The following ITGAM variants were observed in gnomAD, a reference collection of about 807,000 sequenced individuals.
ITGAM encodes integrin subunit alpha M, also known as integrin alpha-M.
ITGAM carries 79 observed loss-of-function variants against 137.5 expected under a neutral mutation model. That is an observed-to-expected ratio of 0.57 (90% confidence interval 0.48 to 0.69). ITGAM has a LOEUF of 0.69. Among genes scored for constraint, ITGAM ranks in the 30% least tolerant of loss-of-function variants. The pLI is 0.00. For synonymous variants in ITGAM, 583 were observed against 592.3 expected, an observed-to-expected ratio of 0.98 and a Z score of 0.23; for missense variants, 1,343 against 1,483.5, an observed-to-expected ratio of 0.91 and a Z score of 1.56.
At chr16:31,302,408 T>TCTTC (rs1567267833) in intron 14 of ITGAM, among the ~76,000 whole-genome samples, 60 of 130,946 alleles carry the variant, frequency 4.6e-4, no homozygotes, top group Admixed American at 5.9e-4. Context: ...TTCTTTTCTT[T>TCTTC]TTTCTTTCTT....
intron 7 of ITGAM, 145 bp downstream of exon 7, chr16:31,272,137 A>C (rs2079848181): frequency 2.2e-6 from 2 of 917,932 alleles, no homozygotes; most frequent in Admixed American, 2.3e-5. Context: ...TGGTGTGTTC[A>C]TCAAAGGACA....
intron 12 of ITGAM, among the ~76,000 whole-genome samples, chr16:31,288,916 A>AAAAC (rs2080057807): frequency 6.6e-6 from 1 of 151,654 alleles, no homozygotes; most frequent in Non-Finnish European, 1.5e-5. Flanking sequence ...TTACAAGAAA[A>AAAAC]AAACAACCCC....
At chr16:31,262,597 G>T (rs1596964475) in intron 2 of ITGAM, among the ~76,000 whole-genome samples, 1 of 151,816 alleles carries the variant, frequency 6.6e-6, no homozygotes, top group East Asian at 1.9e-4. Context: ...TATAGACGAG[G>T]TCTCACTCTG....
intron 29 of ITGAM, 80 bp from the exon 30 acceptor site, chr16:31,331,556 C>T: frequency 2.3e-6 from 2 of 879,658 alleles, no homozygotes; most frequent in East Asian, 2.6e-5. Flanking sequence ...TCTGCCGGCC[C>T]TCCCGCCCCC....
chr16:31,267,558 G>A (rs2079783219), intron 5 of ITGAM, among the ~76,000 whole-genome samples: 1 of 152,158 alleles, frequency 6.6e-6, no homozygotes, highest in Non-Finnish European at 1.5e-5. Flanking sequence ...TCGTTTTAGA[G>A]GAAGACCTGT....
At position 31,297,639 on chromosome 16, in the gene ITGAM, C is replaced by T. The variant is rs2080148736; in HGVS notation, c.1482C>T (p.Cys494=). The change falls in exon 13 of 30, where the codon TGC becomes TGT. Residue 494 remains cysteine (C), a synonymous_variant. Transcript: ENST00000544665. ...CCCGAGGGGGCCAGGTGTCCGTGTG[C>T]CCCTTGCCCAGGGGGGTGAGTGGCA... ...EQTRGGQVSV[C]PLPRGRARWQ... 1.2e-6 allele frequency: 2 copies of T among 1,613,280 alleles called. No homozygotes were observed. The highest frequency in any genetic ancestry group is 1.3e-5 in the African/African-American group (1 of 75,018).
intron 12 of ITGAM, among the ~76,000 whole-genome samples, chr16:31,280,431 TCTC>T (rs1198877310): frequency 6.6e-6 from 1 of 152,190 alleles, no homozygotes; most frequent in African/African-American, 2.4e-5. Context: ...GGTTTGTAGT[TCTC>T]CTTGAAGAGG....
rs1242764142 is a variant in ITGAM, at chr16:31,277,035, A to T, written c.1199A>T (p.Asn400Ile). ...ATGACCAGAGTGGATTCAGACATGA[A>T]TGATGCTTACTTGGGTAAGTGGGGA... ...INMTRVDSDM[N>I]DAYLGYAAAI... Residue 400 changes from asparagine (N) to isoleucine (I), a missense_variant, in exon 11 of 30, where the codon AAT (asparagine) becomes ATT (isoleucine). By Grantham distance (149) the Asn-to-Ile change is moderately radical. Coordinates refer to ENST00000544665, the MANE Select transcript of ITGAM (RefSeq NM_000632.4). 1 of 1,611,942 alleles carries T rather than the reference A, an allele frequency of 6.2e-7. No individual in the cohort carries two copies. Among genetic ancestry groups the T allele is most frequent in the Non-Finnish European group, 8.5e-7 (1 of 1,178,860 alleles).
chr16:31,271,848 TC>T lies in ITGAM; in HGVS notation c.561del (p.Ser188LeufsTer2), dbSNP rs1347933148. The T allele has an allele frequency of 1.2e-6, 2 of 1,613,828 alleles. No individual in the cohort carries two copies. Among genetic ancestry groups the T allele is most frequent in the African/African-American group, 1.3e-5 (1 of 74,910 alleles). On this transcript the variant is annotated frameshift_variant and splice_region_variant, in exon 7 of 30. Transcript: ENST00000544665. LOFTEE classifies it high-confidence loss of function. Reference sequence around the variant, plus strand: ...TCACACCAGCCGCCCCCTCCGCAGTTCTCTTTGATGCAGTACTCTGAAGAAT... The same window carrying T: ...TCACACCAGCCGCCCCCTCCGCAGTTTCTTTGATGCAGTACTCTGAAGAAT... ...MEQLKKSKTL[F>X]SLMQYSEEFR...
rs113636187 is a variant in ITGAM at position 31,332,005 on chromosome 16, A to C, written c.*298A>C. ...TGTCCATGTGTGTGCAAGTGTGTGC[A>C]TGTGTGCGAGTGTGTGCATGTGTGT... is the stretch of plus-strand genomic sequence containing the variant. On this transcript the variant is annotated 3_prime_UTR_variant, in exon 30 of 30. Coordinates refer to ENST00000544665, the MANE Select transcript of ITGAM (RefSeq NM_000632.4). 2.3e-6 allele frequency: 1 copy of C among 439,058 alleles called. No homozygotes were observed. Among genetic ancestry groups the C allele is most frequent in the Non-Finnish European group, 4.1e-6 (1 of 243,276 alleles). The allele number at this position is 439,058 out of a possible 1,614,324, so 27.2% of individuals were successfully genotyped here. A position where few individuals can be genotyped will look rare whatever the true frequency, so the allele number is the denominator to read the frequency against.
At chr16:31,326,184 A>T (rs1246490696) in intron 21 of ITGAM, among the ~76,000 whole-genome samples, 2 of 152,176 alleles carry the variant, frequency 1.3e-5, no homozygotes, top group African/African-American at 4.8e-5. Flanking sequence ...ATTACCTCAC[A>T]AAGAGCTTCT....
intron 12 of ITGAM, among the ~76,000 whole-genome samples, chr16:31,292,657 A>G (rs976870496): frequency 2.6e-5 from 4 of 151,890 alleles, no homozygotes; most frequent in Admixed American, 6.6e-5. Context: ...AAAAAATCCT[A>G]TTTGTTATTG....
At chr16:31,272,106 C>A in intron 7 of ITGAM, 114 bp downstream of exon 7, 1 of 1,232,140 alleles carries the variant, frequency 8.1e-7, no homozygotes, top group Non-Finnish European at 1.2e-6. Flanking sequence ...TCCCCACCGG[C>A]AGAGGTGGGG....
At chr16:31,296,910 AAT>A (rs1315623255) in intron 12 of ITGAM, among the ~76,000 whole-genome samples, 4 of 152,314 alleles carry the variant, frequency 2.6e-5, no homozygotes, top group Middle Eastern at 3.4e-3. Context: ...TCAAATAACA[AAT>A]AGTTATTTTT....
At chr16:31,264,752 G>A (rs1003803491) in intron 2 of ITGAM, among the ~76,000 whole-genome samples, 2 of 152,176 alleles carry the variant, frequency 1.3e-5, no homozygotes, top group Non-Finnish European at 2.9e-5. Context: ...TGTTACCCGG[G>A]CTAGTTTCAA....
At chr16:31,260,989 T>G (rs1282434670) in intron 1 of ITGAM, among the ~76,000 whole-genome samples, 1 of 152,228 alleles carries the variant, frequency 6.6e-6, no homozygotes, top group African/African-American at 2.4e-5. Flanking sequence ...ATTTTCTGTC[T>G]TGTTATATAA....
intron 12 of ITGAM, 50 bp from the exon 13 acceptor site, chr16:31,297,464 A>G: frequency 6.2e-7 from 1 of 1,608,236 alleles, no homozygotes; most frequent in Non-Finnish European, 8.5e-7. Flanking sequence ...AAACCTCCAC[A>G]TCTGCTTTAG....
intron 12 of ITGAM, among the ~76,000 whole-genome samples, chr16:31,289,618 A>T (rs939532509): frequency 2.0e-5 from 3 of 152,140 alleles, no homozygotes; most frequent in African/African-American, 7.2e-5. Context: ...GGGTGGGGGA[A>T]GGGAGGAGGG....
chr16:31,327,451 A>G (rs1341891966), intron 22 of ITGAM, among the ~76,000 whole-genome samples: 1 of 151,052 alleles, frequency 6.6e-6, no homozygotes, highest in Non-Finnish European at 1.5e-5. Context: ...AAAATTAGCC[A>G]GGCATGGTGG....
Sources: gnomAD v4.1 joint callset for allele counts (sites outside exome capture counted in the v4.1 genomes callset) on GRCh38, gnomAD v4.1.1 for gene constraint, MANE v1.5 for transcripts, NCBI Gene and HGNC (gene_info 2026-07-23, HGNC 2026-07-21) for gene names.